The following NCKAP1L variants were observed in gnomAD, a reference collection of about 807,000 sequenced individuals.
The protein encoded by NCKAP1L is nck-associated protein 1-like.
A neutral mutation model predicts 139.2 loss-of-function variants in NCKAP1L; 53 were observed. The ratio of observed to expected loss-of-function variants is 0.38; its 90% CI spans 0.31 to 0.48. The LOEUF (loss-of-function observed/expected upper bound fraction) is 0.48. Ranked by LOEUF, NCKAP1L falls within the 20% of genes least tolerant of loss-of-function variation. NCKAP1L has a pLI of 0.98. For synonymous variants in NCKAP1L, 468 were observed against 499.7 expected, an observed-to-expected ratio of 0.94 and a Z score of 0.85; for missense variants, 1,151 against 1,381.9, an observed-to-expected ratio of 0.83 and a Z score of 2.65.
chr12:54,530,804 T>C (rs1957062347), intron 22 of NCKAP1L, among the ~76,000 whole-genome samples: 1 of 152,230 alleles, frequency 6.6e-6, no homozygotes, highest in East Asian at 1.9e-4. Flanking sequence ...CCAAAGTTTT[T>C]ATAATGTATC....
chr12:54,522,446 T>C (rs1033039862), intron 18 of NCKAP1L, among the ~76,000 whole-genome samples: 4 of 152,238 alleles, frequency 2.6e-5, no homozygotes, highest in African/African-American at 9.6e-5. Flanking sequence ...CGCAACCAAA[T>C]GAGTATAGGC....
At chr12:54,516,828 C>A in intron 10 of NCKAP1L, 68 bp from the exon 11 acceptor site, 1 of 1,350,724 alleles carries the variant, frequency 7.4e-7, no homozygotes, top group Non-Finnish European at 1.1e-6. Flanking sequence ...TAGCTTTCTT[C>A]TGTGCTGCCT....
At chr12:54,532,331 G>A (rs1296655672) in intron 26 of NCKAP1L, 81 bp downstream of exon 26, 2 of 1,179,098 alleles carry the variant, frequency 1.7e-6, no homozygotes, top group African/African-American at 1.5e-5. Context: ...GTAAGGGAGA[G>A]CGGGTTCTGA....
Position 54,538,132 on chromosome 12 carries a change from G to A in NCKAP1L, c.3184-752G>A, listed in dbSNP as rs139827099. Among the ~76,000 whole-genome samples the A allele has an allele frequency of 5.9e-3, 904 of 152,316 alleles. 6 individuals carry two copies. The highest frequency in any genetic ancestry group is 9.1e-3 in the Non-Finnish European group (622 of 68,034). On this transcript the variant is annotated intron_variant, in intron 29 of 30. Transcript: ENST00000293373. The stretch of plus-strand genomic sequence containing the variant: ...GGCCTCATCTGTCTCCTTCCAGGAG[G>A]AAACACAGCGGATCATATTGTTCTC...
intron 26 of NCKAP1L, 98 bp from the exon 27 acceptor site, chr12:54,535,006 A>T (rs1957103143): frequency 2.3e-6 from 2 of 877,076 alleles, no homozygotes; most frequent in South Asian, 3.7e-5. Flanking sequence ...TTAAAAAAAA[A>T]ATTAAACCTG....
At chr12:54,524,711 T>A (rs1438872174) in intron 20 of NCKAP1L, among the ~76,000 whole-genome samples, 1 of 152,196 alleles carries the variant, frequency 6.6e-6, no homozygotes, top group Non-Finnish European at 1.5e-5. Flanking sequence ...CCTCCATGCT[T>A]ACTTCTAGTG....
At chr12:54,507,486 C>T (rs938192799) in intron 3 of NCKAP1L, among the ~76,000 whole-genome samples, 15 of 152,252 alleles carry the variant, frequency 9.9e-5, no homozygotes, top group South Asian at 4.1e-4. Flanking sequence ...AGACTTACTT[C>T]GTGGTTTGTC....
At chr12:54,509,576 G>A (rs1356269729) in intron 5 of NCKAP1L, 93 bp from the exon 6 acceptor site, 1 of 850,358 alleles carries the variant, frequency 1.2e-6, no homozygotes, top group Non-Finnish European at 2.0e-6. Flanking sequence ...GGGAGTGCCA[G>A]CCTATGCACA....
In NCKAP1L at chr12:54,506,796, A is replaced by AAAAAAAAT; in HGVS notation, c.307-1056_307-1055insAAAAAATA. Among the ~76,000 whole-genome samples, 223 of 50,604 alleles carry AAAAAAAAT rather than the reference A, an allele frequency of 4.4e-3. 3 individuals carry two copies. Among genetic ancestry groups the AAAAAAAAT allele is most frequent in the Non-Finnish European group, 4.9e-3 (163 of 33,028 alleles). The allele number at this position is 50,604 out of a possible 152,430, so 33.2% of individuals were successfully genotyped here. A position where few individuals can be genotyped will look rare whatever the true frequency, so the allele number is the denominator to read the frequency against. On this transcript the variant is annotated intron_variant, in intron 3 of 30. Coordinates refer to ENST00000293373, the MANE Select transcript of NCKAP1L (RefSeq NM_005337.5). ...TTTTGGCAACATATTAAAAAAAAAA[A>AAAAAAAAT]ATATATATATATATATATATATATA... is the stretch of plus-strand genomic sequence containing the variant.
At position 54,536,185 on chromosome 12, in the gene NCKAP1L, G is replaced by T; in HGVS notation, c.3013G>T (p.Ala1005Ser). 1.9e-6 allele frequency: 3 copies of T among 1,613,428 alleles called. No homozygotes were observed. Among genetic ancestry groups the T allele is most frequent in the Non-Finnish European group, 2.5e-6 (3 of 1,179,730 alleles). Residue 1005 changes from alanine (A) to serine (S), a missense_variant, in exon 28 of 31, where the codon GCA (alanine) becomes TCA (serine). By Grantham distance (99) the Ala-to-Ser change is moderately conservative. Coordinates refer to ENST00000293373, the MANE Select transcript of NCKAP1L (RefSeq NM_005337.5). ...KVACLLLIFL[A>S]VSLPLLATDP... ...GGCCTGCCTGCTCTTGATCTTTCTG[G>T]CAGTTTCCCTCCCACTCCTTGCCAC...
rs368455559 is a variant in NCKAP1L at position 54,518,747 on chromosome 12, G to A, written c.1420+15G>A. 18 of 1,603,252 alleles carry A rather than the reference G, an allele frequency of 1.1e-5. No individual in the cohort carries two copies. The African/African-American group carries it at 2.1e-4, about 19-fold the overall frequency. On this transcript the variant is annotated intron_variant, in intron 14 of 30. Coordinates refer to ENST00000293373, the MANE Select transcript of NCKAP1L (RefSeq NM_005337.5). ...TCTCAAACAAGGTAACTGGAGGGAG[G>A]TGGGGGAGGCAGGACATATGTGAGG... is the stretch of plus-strand genomic sequence containing the variant.
chr12:54,502,027 A>G (rs1229684138), intron 3 of NCKAP1L, among the ~76,000 whole-genome samples: 1 of 152,140 alleles, frequency 6.6e-6, no homozygotes, highest in Non-Finnish European at 1.5e-5. Flanking sequence ...TTGGCCATTT[A>G]TATATCTTCT....
chr12:54,506,786 A>T (rs1956842002), intron 3 of NCKAP1L, among the ~76,000 whole-genome samples: 1 of 21,912 alleles, frequency 4.6e-5, no homozygotes, highest in East Asian at 1.8e-3. Flanking sequence ...GCAACATATT[A>T]AAAAAAAAAA....
intron 22 of NCKAP1L, among the ~76,000 whole-genome samples, chr12:54,529,768 C>T (rs1592349907): frequency 1.3e-5 from 2 of 152,136 alleles, no homozygotes; most frequent in Non-Finnish European, 2.9e-5. Context: ...CCCCAATTTC[C>T]CTTGGTTGCC....
intron 30 of NCKAP1L, among the ~76,000 whole-genome samples, chr12:54,539,796 C>T (rs961337612): frequency 2.6e-5 from 4 of 152,078 alleles, no homozygotes; most frequent in African/African-American, 4.8e-5. Context: ...GAGGCCCATA[C>T]GAGAGATATC....
At chr12:54,516,790 C>T in intron 10 of NCKAP1L, 106 bp from the exon 11 acceptor site, 4 of 979,610 alleles carry the variant, frequency 4.1e-6, no homozygotes, top group Non-Finnish European at 6.3e-6. Context: ...ATTGAACCTT[C>T]CTTCTGCCTG....
chr12:54,531,826 G>T lies in NCKAP1L; in HGVS notation c.2781+1G>T, dbSNP rs1488212212. The T allele has an allele frequency of 1.2e-6, 2 of 1,609,344 alleles. No homozygotes were observed. The highest frequency in any genetic ancestry group is 3.3e-5 in the Admixed American group (2 of 59,936). Reference sequence around the variant, plus strand: ...CATGGCCCAAGAGGGACTTCGGGAGGTGAGTTGGTGGGGAGGGGTCTGTCA... The same window carrying T: ...CATGGCCCAAGAGGGACTTCGGGAGTTGAGTTGGTGGGGAGGGGTCTGTCA... On this transcript the variant is annotated splice_donor_variant, in intron 25 of 30. Transcript: ENST00000293373. LOFTEE classifies it high-confidence loss of function.
At chr12:54,498,120 T>A (rs981488587) in intron 1 of NCKAP1L, among the ~76,000 whole-genome samples, 1 of 151,088 alleles carries the variant, frequency 6.6e-6, no homozygotes. Context: ...GCCCCAACGA[T>A]GGCATCTGCT....
chr12:54,500,867 C>A, intron 3 of NCKAP1L: 1 of 319,214 alleles, frequency 3.1e-6, no homozygotes, highest in Non-Finnish European at 5.8e-6. Flanking sequence ...TAGGAAAGAT[C>A]TGGACTATTT....
Sources: gnomAD v4.1 joint callset for allele counts (sites outside exome capture counted in the v4.1 genomes callset) on GRCh38, gnomAD v4.1.1 for gene constraint, MANE v1.5 for transcripts, NCBI Gene and HGNC (gene_info 2026-07-23, HGNC 2026-07-21) for gene names.